Variants in NHS observed in about 807,000 individuals in gnomAD.
The protein encoded by NHS is NHS actin remodeling regulator.
A neutral mutation model predicts 72.5 loss-of-function variants in NHS; 5 were observed. The observed-to-expected ratio is 0.07, with a 90% confidence interval of 0.04 to 0.14. The LOEUF is 0.14. NHS is among the 10% of genes least tolerant of loss of function. NHS has a pLI of 1.00. For synonymous variants in NHS, 464 were observed against 547.7 expected, an observed-to-expected ratio of 0.85 and a Z score of 2.13; for missense variants, 1,072 against 1,355.7, an observed-to-expected ratio of 0.79 and a Z score of 3.29.
At chrX:17,538,442 T>C (rs987245953) in intron 1 of NHS, among the ~76,000 whole-genome samples, 2 of 111,481 alleles carry the variant, frequency 1.8e-5, no homozygotes, top group African/African-American at 6.5e-5. Flanking sequence ...GCGTGGGCAA[T>C]TGGGGCTTCG....
At chrX:17,384,727 A>G (rs1464911354) in intron 1 of NHS, among the ~76,000 whole-genome samples, 1 of 112,345 alleles carries the variant, frequency 8.9e-6, no homozygotes, top group African/African-American at 3.2e-5. Flanking sequence ...CTATTGTCCC[A>G]TGTTAGTCCC....
chrX:17,702,171 T>C (rs367986724), intron 3 of NHS, among the ~76,000 whole-genome samples: 119 of 110,498 alleles, frequency 1.1e-3, no homozygotes, highest in Non-Finnish European at 1.8e-3. Flanking sequence ...CATAAATAAA[T>C]AATTATCATC....
intron 1 of NHS, among the ~76,000 whole-genome samples, chrX:17,493,319 T>C (rs1045162167): frequency 1.8e-5 from 2 of 112,315 alleles, no homozygotes; most frequent in Admixed American, 9.4e-5. Context: ...CCAGTGATCA[T>C]GGGTCAGTGT....
chrX:17,573,040 A>T (rs181073526), intron 1 of NHS, among the ~76,000 whole-genome samples: 13 of 112,471 alleles, frequency 1.2e-4, no homozygotes, highest in African/African-American at 4.2e-4. Flanking sequence ...ATTTCTGCAG[A>T]GAGATCAGCT....
chrX:17,599,441 CTGTTT>C (rs1248566012), intron 1 of NHS, among the ~76,000 whole-genome samples: 1 of 110,179 alleles, frequency 9.1e-6, no homozygotes, highest in Non-Finnish European at 1.9e-5. Context: ...TTGCTTTCTT[CTGTTT>C]TAAGAAAAAT....
chrX:17,641,390 G>A (rs192522280), intron 1 of NHS, among the ~76,000 whole-genome samples: 3 of 112,026 alleles, frequency 2.7e-5, no homozygotes, highest in Non-Finnish European at 5.6e-5. Context: ...GAGAAAAGAA[G>A]CTTTTGAGTT....
At chrX:17,586,881 A>C (rs1250651573) in intron 1 of NHS, 1 of 111,999 alleles carries the variant, frequency 8.9e-6, no homozygotes, top group Non-Finnish European at 1.9e-5. Flanking sequence ...GAACCCTCTG[A>C]GATTGACAGG....
At chrX:17,701,098 A>C (rs2066261172) in intron 3 of NHS, among the ~76,000 whole-genome samples, 2 of 112,076 alleles carry the variant, frequency 1.8e-5, no homozygotes, top group Non-Finnish European at 3.8e-5. Flanking sequence ...CATGCCACAC[A>C]GATTTGTAGC....
chrX:17,389,123 C>T (rs780307641), intron 1 of NHS, among the ~76,000 whole-genome samples: 25 of 112,166 alleles, frequency 2.2e-4, no homozygotes, highest in Non-Finnish European at 3.9e-4. Context: ...CTAACTAATA[C>T]TCTTTTTAAA....
chrX:17,657,830 A>G (rs765505054), intron 1 of NHS, among the ~76,000 whole-genome samples: 1 of 112,993 alleles, frequency 8.9e-6, no homozygotes, highest in East Asian at 2.8e-4. Flanking sequence ...ACTCCCTCAC[A>G]GTGGAGTTCG....
intron 1 of NHS, among the ~76,000 whole-genome samples, chrX:17,378,719 G>C (rs767378886): frequency 1.8e-5 from 2 of 111,939 alleles, no homozygotes; most frequent in African/African-American, 3.3e-5. Context: ...TCCAGCTGGC[G>C]ACCCTCTGAG....
chrX:17,457,554 C>T (rs766894889), intron 1 of NHS, among the ~76,000 whole-genome samples: 1 of 111,614 alleles, frequency 9.0e-6, no homozygotes, highest in Non-Finnish European at 1.9e-5. Context: ...CATCTCCCAC[C>T]GGGCCCCACC....
intron 1 of NHS, among the ~76,000 whole-genome samples, chrX:17,444,548 G>A (rs1290637739): frequency 1.8e-5 from 2 of 112,108 alleles, no homozygotes; most frequent in Admixed American, 1.9e-4. Flanking sequence ...ACATTGGGAT[G>A]TCTAAAAGCT....
chrX:17,395,650 A>C (rs1249443397), intron 1 of NHS, among the ~76,000 whole-genome samples: 9 of 111,801 alleles, frequency 8.1e-5, no homozygotes, highest in African/African-American at 2.9e-4. Context: ...ATTTATTCAG[A>C]TAGGCCAAGA....
chrX:17,520,904 T>A (rs2146936302), intron 1 of NHS, among the ~76,000 whole-genome samples: 1 of 111,163 alleles, frequency 9.0e-6, no homozygotes, highest in South Asian at 3.8e-4. Flanking sequence ...CAGCATCGCA[T>A]CGTCAGGGAG....
At chrX:17,587,003 A>G (rs2146987137) in intron 1 of NHS, 1 of 112,277 alleles carries the variant, frequency 8.9e-6, no homozygotes, top group South Asian at 3.7e-4. Context: ...ATTTCCCAAT[A>G]CCTGGGACAA....
At chrX:17,710,093 T>A (rs2066321196) in intron 3 of NHS, among the ~76,000 whole-genome samples, 1 of 111,611 alleles carries the variant, frequency 9.0e-6, no homozygotes, top group Non-Finnish European at 1.9e-5. Flanking sequence ...CCTCTTGCGC[T>A]CCCACTGGAA....
intron 1 of NHS, among the ~76,000 whole-genome samples, chrX:17,615,161 C>CG (rs1407423382): frequency 6.6e-4 from 26 of 39,253 alleles, no homozygotes; most frequent in South Asian, 3.0e-3. Flanking sequence ...TGTATATATA[C>CG]TATATATATA....
chrX:17,588,615 C>A (rs1391241130), intron 1 of NHS, among the ~76,000 whole-genome samples: 1 of 109,935 alleles, frequency 9.1e-6, no homozygotes, highest in Non-Finnish European at 1.9e-5. Flanking sequence ...CCCTTTTTCC[C>A]CATTTTTTGG....
Sources: allele counts gnomAD v4.1 joint callset (sites outside exome capture counted in the v4.1 genomes callset), GRCh38; gene constraint gnomAD v4.1.1; transcripts MANE v1.5; gene names NCBI Gene and HGNC (gene_info 2026-07-23, HGNC 2026-07-21).